The following SFXN2 variants were observed in gnomAD, a reference collection of about 807,000 sequenced individuals.
SFXN2 encodes sideroflexin 2, also known as sideroflexin-2.
In SFXN2, 37 loss-of-function variants were observed where a neutral mutation model predicts 41.9. That is an observed-to-expected ratio of 0.88 (90% CI 0.68 to 1.16). The LOEUF (loss-of-function observed/expected upper bound fraction) is 1.16. Ranked by LOEUF, SFXN2 falls within the 50% of genes most tolerant of loss-of-function variation. The probability of loss-of-function intolerance (pLI) is 0.00; values close to 1 mark genes in which losing one functional copy is unlikely to be tolerated. For missense variants in SFXN2, 386 were observed against 425.2 expected (o/e 0.91, Z 0.81); for synonymous variants, 150 against 156.7 (o/e 0.96, Z 0.32).
At position 102,729,386 on chromosome 10, in the gene SFXN2, T is replaced by A; in HGVS notation, c.499T>A (p.Leu167Met). The A allele has an allele frequency of 6.2e-7, 1 of 1,614,074 alleles. No homozygotes were observed. Among genetic ancestry groups the A allele is most frequent in the Non-Finnish European group, 8.5e-7 (1 of 1,179,984 alleles). The part of the protein sequence containing the change: ...AVATAVGMNM[L>M]TKKAPPLVGR... ...GGCCACGGCTGTGGGCATGAACATG[T>A]TGACAAAGGTATGGTCTGGGGCCGC... The change falls in exon 5 of 12, where the codon TTG (leucine) becomes ATG (methionine). Residue 167 changes from leucine to methionine, a missense_variant. Leu to Met is a conservative substitution (Grantham distance 15, BLOSUM62 2). Transcript: ENST00000369893.
intron 1 of SFXN2, among the ~76,000 whole-genome samples, chr10:102,718,381 C>T (rs1022996103): frequency 1.3e-5 from 2 of 152,344 alleles, no homozygotes; most frequent in Middle Eastern, 6.8e-3. Flanking sequence ...GCCAAGGCAG[C>T]GTGTGTTCAG....
At chr10:102,735,822 G>A in intron 10 of SFXN2, 40 bp from the exon 11 acceptor site, 2 of 1,609,626 alleles carry the variant, frequency 1.2e-6, no homozygotes, top group Admixed American at 1.7e-5. Context: ...GGGCCTGTGG[G>A]GAGATGTCCC....
At position 102,741,519 on chromosome 10, in the gene SFXN2, C is replaced by T. The variant is rs1323623501; in HGVS notation, c.*3757C>T. Reference sequence around the variant, plus strand: ...GTCTTTTCCTCAATCCTGGCTAGAACCAGAATCCTAAAGGTTTCCTGACTA... The same window carrying T: ...GTCTTTTCCTCAATCCTGGCTAGAATCAGAATCCTAAAGGTTTCCTGACTA... On this transcript the variant is annotated 3_prime_UTR_variant, in exon 12 of 12. Transcript: ENST00000369893. 1 of 152,218 alleles carries T rather than the reference C, an allele frequency of 6.6e-6. No homozygotes were observed. Among genetic ancestry groups the T allele is most frequent in the African/African-American group, 2.4e-5 (1 of 41,446 alleles). 9.4% of individuals were successfully genotyped at this position (152,218 alleles called of 1,614,324 possible).
At chr10:102,737,425 G>A (rs1209450155) in intron 11 of SFXN2, among the ~76,000 whole-genome samples, 1 of 152,126 alleles carries the variant, frequency 6.6e-6, no homozygotes, top group Admixed American at 6.5e-5. Context: ...GACATCTCTT[G>A]TGTCCCAAGC....
Position 102,741,794 on chromosome 10 carries a change from A to T in SFXN2, c.*4032A>T, listed in dbSNP as rs1251116111. 1.3e-5 allele frequency: 2 copies of T among 152,212 alleles called. No individual in the cohort carries two copies. Among genetic ancestry groups the T allele is most frequent in the Non-Finnish European group, 2.9e-5 (2 of 68,044 alleles). 9.4% of individuals were successfully genotyped at this position (152,212 alleles called of 1,614,324 possible). On this transcript the variant is annotated 3_prime_UTR_variant, in exon 12 of 12. Transcript: ENST00000369893. ...GGAATTAGAGACCTTGTGCCATGAAAATAATTTGGTCCTTCCCTAGTACTC... is the reference window on the plus strand; with the variant it reads ...GGAATTAGAGACCTTGTGCCATGAATATAATTTGGTCCTTCCCTAGTACTC...
intron 11 of SFXN2, among the ~76,000 whole-genome samples, chr10:102,736,569 AC>A (rs1412254528): frequency 6.6e-6 from 1 of 151,940 alleles, no homozygotes; most frequent in Non-Finnish European, 1.5e-5. Flanking sequence ...GGCACGTGCC[AC>A]CACGCACAGC....
chr10:102,728,892 G>A lies in SFXN2; in HGVS notation c.431+363G>A, dbSNP rs1026996218. On this transcript the variant is annotated intron_variant, in intron 4 of 11. Transcript: ENST00000369893. ...AGGCTGAGGCAGGCAGATTGCCTAA[G>A]ATCAGTCTCAAAACAAACAAAAAAA... Among the ~76,000 whole-genome samples the A allele has an allele frequency of 3.9e-5, 6 of 152,060 alleles. No homozygotes were observed. The East Asian group carries it at 1.2e-3, about 29-fold the overall frequency.
At chr10:102,728,298 CAA>C (rs1482592278) in intron 3 of SFXN2, 131 bp from the exon 4 acceptor site, 1 of 693,188 alleles carries the variant, frequency 1.4e-6, no homozygotes, top group African/African-American at 1.8e-5. Flanking sequence ...GACTCCGTCT[CAA>C]AAAAATAAAA....
intron 10 of SFXN2, 27 bp from the exon 11 acceptor site, chr10:102,735,835 G>T: frequency 6.2e-7 from 1 of 1,613,794 alleles, no homozygotes; most frequent in Non-Finnish European, 8.5e-7. Context: ...GATGTCCCCT[G>T]ATGCTTTGGT....
At position 102,740,636 on chromosome 10, in the gene SFXN2, T is replaced by C. The variant is rs945389532; in HGVS notation, c.*2874T>C. On this transcript the variant is annotated 3_prime_UTR_variant, in exon 12 of 12. Coordinates refer to ENST00000369893, the MANE Select transcript of SFXN2 (RefSeq NM_178858.6). ...CTTCCTGTCTTTAGAGATTTGCGTA[T>C]TCTGAACATTTCATGTAAGTGGAGT... 2.0e-5 allele frequency: 3 copies of C among 152,258 alleles called. No homozygotes were observed. The highest frequency in any genetic ancestry group is 4.4e-5 in the Non-Finnish European group (3 of 68,054). The allele number at this position is 152,258 out of a possible 1,614,324, so 9.4% of individuals were successfully genotyped here.
chr10:102,730,324 AG>A (rs1286630473), intron 6 of SFXN2, among the ~76,000 whole-genome samples: 1 of 152,198 alleles, frequency 6.6e-6, no homozygotes, highest in Admixed American at 6.5e-5. Flanking sequence ...TCTTGACTAG[AG>A]AAATCTCTGT....
At position 102,734,138 on chromosome 10, in the gene SFXN2, G is replaced by C. The variant is rs536441142; in HGVS notation, c.821+535G>C. On this transcript the variant is annotated intron_variant, in intron 10 of 11. Coordinates refer to ENST00000369893, the MANE Select transcript of SFXN2 (RefSeq NM_178858.6). The surrounding 1 kb of genome is among the most constrained non-coding windows in gnomAD (Gnocchi z 4.1). ...ACCTGCCTCGGCCTCCCAAATTGCT[G>C]GGATTATAGGCATGAGCCACTGCGC... Among the ~76,000 whole-genome samples, 1 of 152,280 alleles carries C rather than the reference G, an allele frequency of 6.6e-6. No homozygotes were observed. Among genetic ancestry groups the C allele is most frequent in the East Asian group, 1.9e-4 (1 of 5,190 alleles).
Position 102,741,633 on chromosome 10 carries a change from G to C in SFXN2, c.*3871G>C, listed in dbSNP as rs967703887. ...TTTCCCAGGTTGGTCTTGAACCCCT[G>C]ACCTCAAGCAATCCTCATGCCTTGG... On this transcript the variant is annotated 3_prime_UTR_variant, in exon 12 of 12. Coordinates refer to ENST00000369893, the MANE Select transcript of SFXN2 (RefSeq NM_178858.6). 1 of 152,242 alleles carries C rather than the reference G, an allele frequency of 6.6e-6. No homozygotes were observed. The highest frequency in any genetic ancestry group is 2.4e-5 in the African/African-American group (1 of 41,460). 9.4% of individuals were successfully genotyped at this position (152,242 alleles called of 1,614,324 possible). A position where few individuals can be genotyped will look rare whatever the true frequency, so the allele number is the denominator to read the frequency against.
chr10:102,737,719 A>T lies in SFXN2; in HGVS notation c.926A>T (p.Tyr309Phe). The change falls in exon 12 of 12, where the codon TAT becomes TTT. Residue 309 changes from tyrosine (Y) to phenylalanine (F), a missense_variant. By Grantham distance (22) the Tyr-to-Phe change is conservative (BLOSUM62 3). Transcript: ENST00000369893. ...PKLQDTIKAKYGELEPYVYFN... is the reference protein window; with the variant it reads ...PKLQDTIKAKFGELEPYVYFN... ...CTCCAAGACACTATCAAGGCCAAGT[A>T]TGGAGAACTTGAGCCTTATGTCTAC... 1.2e-6 allele frequency: 2 copies of T among 1,613,298 alleles called. No individual in the cohort carries two copies. Among genetic ancestry groups the T allele is most frequent in the Non-Finnish European group, 8.5e-7 (1 of 1,179,356 alleles).
intron 1 of SFXN2, among the ~76,000 whole-genome samples, chr10:102,726,041 C>T (rs1169139431): frequency 6.6e-6 from 1 of 152,100 alleles, no homozygotes; most frequent in Non-Finnish European, 1.5e-5. Context: ...CCTCTGCCTC[C>T]TGGGTTCAAG....
chr10:102,723,088 C>T (rs2136035187), intron 1 of SFXN2, among the ~76,000 whole-genome samples: 1 of 151,548 alleles, frequency 6.6e-6, no homozygotes, highest in Admixed American at 6.6e-5. Context: ...TGCACCACCA[C>T]ACCTGGCTAA....
At position 102,735,844 on chromosome 10, in the gene SFXN2, G is replaced by A. The variant is rs778691110; in HGVS notation, c.822-18G>A. ...TGGGGAGATGTCCCCTGATGCTTTG[G>A]TTTCTCCTTTCTTGCAGCCTCATCT... On this transcript the variant is annotated intron_variant, in intron 10 of 11. Transcript: ENST00000369893. 3 of 1,614,082 alleles carry A rather than the reference G, an allele frequency of 1.9e-6. No homozygotes were observed. Among genetic ancestry groups the A allele is most frequent in the Admixed American group, 3.3e-5 (2 of 60,022 alleles).
intron 6 of SFXN2, among the ~76,000 whole-genome samples, chr10:102,731,042 C>T (rs917751228): frequency 4.6e-4 from 70 of 151,732 alleles, no homozygotes; most frequent in Non-Finnish European, 9.1e-4. Flanking sequence ...GAGCCAAGAT[C>T]GCACCACTGC....
intron 1 of SFXN2, among the ~76,000 whole-genome samples, chr10:102,720,407 G>A (rs1186609892): frequency 1.3e-5 from 2 of 151,148 alleles, no homozygotes; most frequent in Admixed American, 6.6e-5. Flanking sequence ...CTCAGGAGTT[G>A]AGACCAGCCT....
Sources: allele counts gnomAD v4.1 joint callset (sites outside exome capture counted in the v4.1 genomes callset), GRCh38; gene constraint gnomAD v4.1.1; non-coding constraint Gnocchi (gnomAD v3.1); transcripts MANE v1.5; gene names NCBI Gene and HGNC (gene_info 2026-07-23, HGNC 2026-07-21).